RPS6KB1: variants seen among roughly 807,000 people sequenced by gnomAD.
The protein encoded by RPS6KB1 is ribosomal protein S6 kinase beta-1.
Under a neutral mutation model 70.2 loss-of-function variants are expected in RPS6KB1, and 12 were observed. The ratio of observed to expected loss-of-function variants is 0.17; its 90% confidence interval spans 0.11 to 0.28. The LOEUF (loss-of-function observed/expected upper bound fraction) is 0.28. RPS6KB1 is among the 10% of genes least tolerant of loss of function. The pLI is 1.00. For missense variants in RPS6KB1, 270 were observed against 646.6 expected (o/e 0.42, Z 6.32); for synonymous variants, 175 against 211.2 (o/e 0.83, Z 1.49).
At chr17:59,895,867 C>A (rs2041523518) in intron 1 of RPS6KB1, among the ~76,000 whole-genome samples, 1 of 152,030 alleles carries the variant, frequency 6.6e-6, no homozygotes, top group Non-Finnish European at 1.5e-5. Context: ...TCCTGAGCTC[C>A]AGCAATCTGC....
At chr17:59,927,545 C>T (rs1369007556) in intron 5 of RPS6KB1, among the ~76,000 whole-genome samples, 1 of 149,994 alleles carries the variant, frequency 6.7e-6, no homozygotes, top group Non-Finnish European at 1.5e-5. Context: ...TCGCTCTTCT[C>T]TCCCAGGCTG....
Position 59,934,112 on chromosome 17 carries a change from C to A in RPS6KB1, c.689-58C>A. 3 of 1,117,454 alleles carry A rather than the reference C, an allele frequency of 2.7e-6. No individual in the cohort carries two copies. The South Asian group carries it at 3.8e-5, about 14-fold the overall frequency. 69.2% of individuals were successfully genotyped at this position (1,117,454 alleles called of 1,614,324 possible). A position where few individuals can be genotyped will look rare whatever the true frequency, so the allele number is the denominator to read the frequency against. ...AGATTAAAGTATTATGTGACATGTT[C>A]AAACACTGCACATACTTATAATTCG... On this transcript the variant is annotated intron_variant, in intron 7 of 14. Transcript: ENST00000225577. This position sits in a 1 kb window ranked among gnomAD's most constrained non-coding sequence, Gnocchi z 4.8.
Position 59,940,879 on chromosome 17 carries a change from G to A in RPS6KB1, c.1163G>A (p.Arg388His), listed in dbSNP as rs1181565268. The A allele has an allele frequency of 3.1e-6, 5 of 1,596,372 alleles. No homozygotes were observed. The highest frequency in any genetic ancestry group is 4.2e-6 in the Non-Finnish European group (5 of 1,178,192). Residue 388 changes from arginine (R) to histidine (H), a missense_variant, in exon 13 of 15, where the codon CGT becomes CAT. Coordinates refer to ENST00000225577, the MANE Select transcript of RPS6KB1 (RefSeq NM_003161.4). ...AGTCAGTTTGATTCCAAGTTTACAC[G>A]TCAGACACCTGTCGACAGCCCAGAT... ...DVSQFDSKFT[R>H]QTPVDSPDDS...
At chr17:59,914,815 C>G (rs1342925066) in intron 4 of RPS6KB1, 112 bp downstream of exon 4, 1 of 907,532 alleles carries the variant, frequency 1.1e-6, no homozygotes, top group East Asian at 2.6e-5. Context: ...AACATTTTGG[C>G]CTAAAATTTG....
At chr17:59,899,261 A>G (rs2041761645) in intron 1 of RPS6KB1, among the ~76,000 whole-genome samples, 1 of 151,942 alleles carries the variant, frequency 6.6e-6, no homozygotes, top group African/African-American at 2.4e-5. Flanking sequence ...GTCAGTATGT[A>G]TTACATAATG....
At chr17:59,911,538 G>GTT (rs1184826889) in intron 2 of RPS6KB1, among the ~76,000 whole-genome samples, 3,156 of 74,562 alleles carry the variant, frequency 0.042, 277 homozygotes, top group African/African-American at 0.13. Flanking sequence ...TTTTTGTTGG[G>GTT]TTTTTTTTTT....
chr17:59,936,518 G>A lies in RPS6KB1; in HGVS notation c.1096G>A (p.Glu366Lys). ...GGAAGAACTTCTGGCTCGAAAGGTG[G>A]AGCCCCCCTTTAAACCTCTGTTGGT... The part of the protein sequence containing the change: ...NWEELLARKV[E>K]PPFKPLLQSE... Residue 366 changes from glutamate to lysine, a missense_variant, in exon 12 of 15, where the codon GAG (glutamate) becomes AAG (lysine). Physicochemically the swap from Glu to Lys is moderately conservative, Grantham distance 56. Around this residue, in one of 4 missense-constraint regions of RPS6KB1, gnomAD observed 133 missense variants for 314.7 expected, o/e 0.42. Coordinates refer to ENST00000225577, the MANE Select transcript of RPS6KB1 (RefSeq NM_003161.4). The A allele has an allele frequency of 6.2e-7, 1 of 1,613,666 alleles. No homozygotes were observed. Among genetic ancestry groups the A allele is most frequent in the Non-Finnish European group, 8.5e-7 (1 of 1,179,658 alleles).
chr17:59,893,165 G>A lies in RPS6KB1; in HGVS notation c.-20G>A. On this transcript the variant is annotated 5_prime_UTR_variant, in exon 1 of 15. Coordinates refer to ENST00000225577, the MANE Select transcript of RPS6KB1 (RefSeq NM_003161.4). The surrounding 1 kb of genome is among the most constrained non-coding windows in gnomAD (Gnocchi z 4.1). ...GGTGATGGCGGCAGCGGCTGTGGTG[G>A]CTGCGGCGGGTCCGGGCCCATGAGG... 2 of 1,536,894 alleles carry A rather than the reference G, an allele frequency of 1.3e-6. No individual in the cohort carries two copies. The highest frequency in any genetic ancestry group is 2.0e-5 in the Admixed American group (1 of 50,826).
At chr17:59,903,254 G>A (rs1404143613) in intron 1 of RPS6KB1, among the ~76,000 whole-genome samples, 1 of 151,262 alleles carries the variant, frequency 6.6e-6, no homozygotes, top group Non-Finnish European at 1.5e-5. Context: ...GCAGTGACCC[G>A]AGATAGCACC....
chr17:59,893,817 T>C lies in RPS6KB1; in HGVS notation c.141+492T>C, dbSNP rs2041311526. 9 of 986,522 alleles carry C rather than the reference T, an allele frequency of 9.1e-6. No individual in the cohort carries two copies. The South Asian group carries it at 4.2e-4, about 46-fold the overall frequency. 61.1% of individuals were successfully genotyped at this position (986,522 alleles called of 1,614,324 possible). A position where few individuals can be genotyped will look rare whatever the true frequency, so the allele number is the denominator to read the frequency against. On this transcript the variant is annotated intron_variant, in intron 1 of 14. Coordinates refer to ENST00000225577, the MANE Select transcript of RPS6KB1 (RefSeq NM_003161.4). This position sits in a 1 kb window ranked among gnomAD's most constrained non-coding sequence, Gnocchi z 4.1. ...CTAGGAAGCGCTCAGCTGTTAGAAG[T>C]GACAGCTGAAAACTTCTGTCGGGAG... is the stretch of plus-strand genomic sequence containing the variant.
chr17:59,916,691 A>C (rs564837096), intron 4 of RPS6KB1, among the ~76,000 whole-genome samples: 4 of 151,916 alleles, frequency 2.6e-5, no homozygotes, highest in Admixed American at 2.0e-4. Context: ...CTCTTTCTTC[A>C]CCACAACCCT....
intron 1 of RPS6KB1, among the ~76,000 whole-genome samples, chr17:59,903,304 CAA>C (rs1205673573): frequency 2.5e-5 from 3 of 117,686 alleles, no homozygotes; most frequent in African/African-American, 6.4e-5. Context: ...GACTCTGTCT[CAA>C]AAAAAAAAAA....
chr17:59,915,862 C>A (rs1239035789), intron 4 of RPS6KB1, among the ~76,000 whole-genome samples: 1 of 123,424 alleles, frequency 8.1e-6, no homozygotes, highest in Admixed American at 8.7e-5. Flanking sequence ...CTCGGCTCAC[C>A]ACAACCTCCG....
At position 59,914,562 on chromosome 17, in the gene RPS6KB1, T is replaced by G. The variant is rs1347999225; in HGVS notation, c.313-73T>G. 3 of 1,099,660 alleles carry G rather than the reference T, an allele frequency of 2.7e-6. No individual in the cohort carries two copies. In the African/African-American group the frequency reaches 4.7e-5, roughly 17 times the overall value. The allele number at this position is 1,099,660 out of a possible 1,614,324, so 68.1% of individuals were successfully genotyped here. On this transcript the variant is annotated intron_variant, in intron 3 of 14. Transcript: ENST00000225577. ...TATAAACTGCTGTGGCATATGTTTC[T>G]TATAACTAGGAATTAAGGGAGTATG...
chr17:59,928,967 C>T (rs1454877030), intron 5 of RPS6KB1, among the ~76,000 whole-genome samples: 1 of 152,118 alleles, frequency 6.6e-6, no homozygotes, highest in South Asian at 2.1e-4. Flanking sequence ...ATATTTATAT[C>T]TTTGTCCCAT....
At chr17:59,895,698 T>C (rs1241107495) in intron 1 of RPS6KB1, among the ~76,000 whole-genome samples, 1 of 151,996 alleles carries the variant, frequency 6.6e-6, no homozygotes, top group East Asian at 1.9e-4. Flanking sequence ...AGTGGCCTGA[T>C]CTCGGCTCAC....
chr17:59,914,802 T>C (rs1158984023), intron 4 of RPS6KB1, 99 bp downstream of exon 4: 5 of 984,212 alleles, frequency 5.1e-6, no homozygotes, highest in Non-Finnish European at 7.7e-6. Flanking sequence ...TTTTAATTGT[T>C]GTAACATTTT....
At chr17:59,896,050 C>T (rs2041537870) in intron 1 of RPS6KB1, among the ~76,000 whole-genome samples, 1 of 152,154 alleles carries the variant, frequency 6.6e-6, no homozygotes, top group Non-Finnish European at 1.5e-5. Flanking sequence ...TTATTTATAC[C>T]ATATACCATA....
chr17:59,941,091 C>G (rs2044552180), intron 13 of RPS6KB1, 148 bp downstream of exon 13: 1 of 528,718 alleles, frequency 1.9e-6, no homozygotes, highest in East Asian at 3.0e-5. Flanking sequence ...GCCTTTATAA[C>G]TTATTGATGC....
Sources: allele counts gnomAD v4.1 joint callset (sites outside exome capture counted in the v4.1 genomes callset), GRCh38; gene constraint gnomAD v4.1.1; regional missense constraint gnomAD v4.1.1; non-coding constraint Gnocchi (gnomAD v3.1); transcripts MANE v1.5; gene names NCBI Gene and HGNC (gene_info 2026-07-23, HGNC 2026-07-21).